Variants in AHI1 observed in about 807,000 individuals in gnomAD.
AHI1 encodes the protein Abelson helper integration site 1, also known as jouberin.
A neutral mutation model predicts 149.3 loss-of-function variants in AHI1; 123 were observed. That is an observed-to-expected ratio of 0.82 (90% CI 0.71 to 0.96). The LOEUF (loss-of-function observed/expected upper bound fraction) is 0.96, where lower values mean the gene tolerates loss of function less well. Among genes scored for constraint, AHI1 ranks in the 40% least tolerant of loss-of-function variants. The pLI, the probability that AHI1 is intolerant of heterozygous loss-of-function variation, is 0.00. For missense variants in AHI1, 1,439 were observed against 1,422.7 expected, an observed-to-expected ratio of 1.01 and a Z score of -0.18; for synonymous variants, 475 against 459.8, an observed-to-expected ratio of 1.03 and a Z score of -0.42.
intron 27 of AHI1, among the ~76,000 whole-genome samples, chr6:135,293,488 C>T (rs975362792): frequency 1.8e-4 from 26 of 148,454 alleles, no homozygotes; most frequent in Non-Finnish European, 2.8e-4. Flanking sequence ...TTTATTTGCA[C>T]GATTGTCTGT....
At chr6:135,407,837 C>T (rs1781013241) in intron 21 of AHI1, among the ~76,000 whole-genome samples, 2 of 151,786 alleles carry the variant, frequency 1.3e-5, no homozygotes. Flanking sequence ...ACGGTGAAAC[C>T]CCGTCTCTAC....
At chr6:135,384,230 A>G (rs904898323) in intron 23 of AHI1, among the ~76,000 whole-genome samples, 8 of 152,234 alleles carry the variant, frequency 5.3e-5, no homozygotes, top group Admixed American at 3.3e-4. Flanking sequence ...TCTAAAATTT[A>G]GTGGGAAGTT....
At chr6:135,495,457 T>C (rs1456871496) in intron 3 of AHI1, 1 of 152,218 alleles carries the variant, frequency 6.6e-6, no homozygotes, top group Non-Finnish European at 1.5e-5. Context: ...CCCTGAAAAA[T>C]GTGCTTCCTC....
intron 19 of AHI1, among the ~76,000 whole-genome samples, 199 bp from the exon 20 acceptor site, chr6:135,427,506 C>T (rs1207863930): frequency 6.6e-6 from 1 of 151,644 alleles, no homozygotes; most frequent in Non-Finnish European, 1.5e-5. Flanking sequence ...CACTGACCCT[C>T]CTCCTTCTAC....
chr6:135,373,849 G>A (rs1328797451), intron 23 of AHI1, among the ~76,000 whole-genome samples: 2 of 151,960 alleles, frequency 1.3e-5, no homozygotes, highest in Admixed American at 6.6e-5. Context: ...ACTGTTCTGG[G>A]AACAGGAGAA....
intron 23 of AHI1, among the ~76,000 whole-genome samples, chr6:135,384,772 C>T (rs1381643825): frequency 6.6e-6 from 1 of 152,056 alleles, no homozygotes; most frequent in Non-Finnish European, 1.5e-5. Flanking sequence ...CCATATGGTA[C>T]CTGCTGGCTA....
At chr6:135,482,894 C>CTTTTGTTTTTTTTTTTTTTTTTT (rs1793903247) in intron 5 of AHI1, among the ~76,000 whole-genome samples, 2 of 55,734 alleles carry the variant, frequency 3.6e-5, no homozygotes, top group Non-Finnish European at 5.7e-5. Flanking sequence ...CCATTTAAGG[C>CTTTTGTTTTTTTTTTTTTTTTTT]TTTTTTTTTT....
chr6:135,457,836 G>T, intron 8 of AHI1, 123 bp from the exon 9 acceptor site: 1 of 864,106 alleles, frequency 1.2e-6, no homozygotes, highest in Non-Finnish European at 1.8e-6. Context: ...CAGGGGGAAA[G>T]AAAGAAAAAG....
At chr6:135,343,153 A>C (rs1250420179) in intron 24 of AHI1, among the ~76,000 whole-genome samples, 1 of 151,944 alleles carries the variant, frequency 6.6e-6, no homozygotes, top group Non-Finnish European at 1.5e-5. Context: ...ATACCCAAGC[A>C]ACAAACATCT....
intron 15 of AHI1, chr6:135,435,309 T>A (rs1054007646): frequency 2.0e-5 from 3 of 152,192 alleles, no homozygotes; most frequent in Admixed American, 6.5e-5. Flanking sequence ...TGCTTTAGCA[T>A]AATATACTAC....
intron 5 of AHI1, among the ~76,000 whole-genome samples, chr6:135,478,294 G>T (rs1241028943): frequency 6.6e-6 from 1 of 152,174 alleles, no homozygotes; most frequent in African/African-American, 2.4e-5. Context: ...TTGTTGAATG[G>T]TTATGACCAA....
chr6:135,410,179 C>G (rs547021877), intron 21 of AHI1, among the ~76,000 whole-genome samples: 60 of 152,208 alleles, frequency 3.9e-4, no homozygotes, highest in African/African-American at 1.3e-3. Context: ...CCAGCCTGGG[C>G]TACATACCAA....
intron 23 of AHI1, among the ~76,000 whole-genome samples, chr6:135,387,167 G>C (rs570716632): frequency 8.5e-5 from 13 of 152,288 alleles, no homozygotes; most frequent in African/African-American, 2.4e-4. Flanking sequence ...ACAGGCATGA[G>C]ACACAGCACC....
At chr6:135,361,729 T>C (rs57413403) in intron 23 of AHI1, among the ~76,000 whole-genome samples, 1,756 of 151,938 alleles carry the variant, frequency 0.012, 38 homozygotes, top group African/African-American at 0.04. Flanking sequence ...AATATAAATT[T>C]TTCATTTTCT....
At chr6:135,350,363 T>C (rs182934626) in intron 24 of AHI1, among the ~76,000 whole-genome samples, 70 of 152,314 alleles carry the variant, frequency 4.6e-4, no homozygotes, top group Admixed American at 3.4e-3. Context: ...TTTCTACCAT[T>C]TGTCTTCTTT....
intron 22 of AHI1, among the ~76,000 whole-genome samples, chr6:135,404,352 G>A (rs183302635): frequency 4.8e-4 from 73 of 152,260 alleles, no homozygotes; most frequent in Admixed American, 1.4e-3. Context: ...CTAATCGAGA[G>A]CCTTTTTGTA....
intron 12 of AHI1, among the ~76,000 whole-genome samples, chr6:135,448,040 C>A (rs1256731862): frequency 6.6e-6 from 1 of 152,180 alleles, no homozygotes; most frequent in Non-Finnish European, 1.5e-5. Flanking sequence ...TTTAAATCAA[C>A]CTTTTATCTT....
At chr6:135,334,813 C>G (rs1789127668) in intron 24 of AHI1, among the ~76,000 whole-genome samples, 1 of 152,152 alleles carries the variant, frequency 6.6e-6, no homozygotes, top group African/African-American at 2.4e-5. Flanking sequence ...TTAGGGTTCT[C>G]AAAACGTATT....
intron 24 of AHI1, among the ~76,000 whole-genome samples, chr6:135,336,690 T>A (rs1409124776): frequency 6.6e-6 from 1 of 152,198 alleles, no homozygotes; most frequent in Admixed American, 6.5e-5. Context: ...TTAGAACTCA[T>A]TAGCTCTAAA....
Sources: gnomAD v4.1 joint callset for allele counts (sites outside exome capture counted in the v4.1 genomes callset) on GRCh38, gnomAD v4.1.1 for gene constraint, MANE v1.5 for transcripts, NCBI Gene and HGNC (gene_info 2026-07-23, HGNC 2026-07-21) for gene names.